Variants in GTF3C5 observed in about 807,000 individuals in gnomAD.
GTF3C5 encodes general transcription factor 3C polypeptide 5.
Under a neutral mutation model 61.0 loss-of-function variants are expected in GTF3C5, and 47 were observed. The ratio of observed to expected loss-of-function variants is 0.77; its 90% CI spans 0.61 to 0.98. The LOEUF is 0.98. GTF3C5 is among the 50% of genes least tolerant of loss of function. GTF3C5 has a pLI of 0.00. For synonymous variants in GTF3C5, 295 were observed against 275.4 expected (o/e 1.07, Z -0.71); for missense variants, 659 against 703.3 (o/e 0.94, Z 0.71).
chr9:133,058,184 T>G lies in GTF3C5; in HGVS notation c.*204T>G. 7.2e-7 allele frequency: 1 copy of G among 1,392,914 alleles called. No individual in the cohort carries two copies. The highest frequency in any genetic ancestry group is 2.8e-5 in the East Asian group (1 of 35,942). The allele number at this position is 1,392,914 out of a possible 1,614,324, so 86.3% of individuals were successfully genotyped here. On this transcript the variant is annotated 3_prime_UTR_variant, in exon 11 of 11. Coordinates refer to ENST00000372097, the MANE Select transcript of GTF3C5 (RefSeq NM_012087.4). ...GGTGCTGCCTCTGGTCCTGAGGGGT[T>G]AGGGACATCCCCAAAGGGTATACCC...
chr9:133,038,267 C>T (rs940480804), intron 1 of GTF3C5, among the ~76,000 whole-genome samples: 15 of 152,148 alleles, frequency 9.9e-5, no homozygotes, highest in South Asian at 6.2e-4. Flanking sequence ...GAGAGAGGGA[C>T]GGAGTTGCTG....
intron 1 of GTF3C5, among the ~76,000 whole-genome samples, chr9:133,038,841 A>G (rs1849955829): frequency 6.6e-6 from 1 of 152,120 alleles, no homozygotes; most frequent in African/African-American, 2.4e-5. Context: ...GCAGCCCCAC[A>G]GGGTGTGTTG....
In GTF3C5 at chr9:133,042,195, A is replaced by G. The variant is rs200214643; in HGVS notation, c.262A>G (p.Ile88Val). The G allele has an allele frequency of 7.1e-5, 115 of 1,613,856 alleles. No homozygotes were observed. The Admixed American group carries it at 1.0e-3, about 14-fold the overall frequency. Reference protein sequence around the residue: ...RFSTSSLLLRIRKRTRRQKGV... With the variant: ...RFSTSSLLLRVRKRTRRQKGV... ...CAGTACCAGCAGCCTGCTGCTCCGCATCAGGAAGAGAACGAGGCGGCAGAA... is the reference window on the plus strand; with the variant it reads ...CAGTACCAGCAGCCTGCTGCTCCGCGTCAGGAAGAGAACGAGGCGGCAGAA... The change falls in exon 2 of 11, where the codon ATC becomes GTC. Residue 88 changes from isoleucine (I) to valine (V), a missense_variant. Physicochemically the swap from Ile to Val is conservative, Grantham distance 29 (BLOSUM62 3). Coordinates refer to ENST00000372097, the MANE Select transcript of GTF3C5 (RefSeq NM_012087.4).
At chr9:133,032,544 C>G (rs1849760902) in intron 1 of GTF3C5, among the ~76,000 whole-genome samples, 1 of 152,104 alleles carries the variant, frequency 6.6e-6, no homozygotes, top group South Asian at 2.1e-4. Context: ...AGAACAGTTT[C>G]CCCCTCTTGA....
intron 4 of GTF3C5, 151 bp downstream of exon 4, chr9:133,051,129 C>T: frequency 1.7e-6 from 1 of 583,740 alleles, no homozygotes; most frequent in Admixed American, 3.6e-5. Flanking sequence ...CCTTCAGATG[C>T]CATGTCTAAA....
chr9:133,043,885 C>T lies in GTF3C5; in HGVS notation c.531C>T (p.Asp177=), dbSNP rs370716957. The T allele has an allele frequency of 6.2e-6, 10 of 1,614,114 alleles. No individual in the cohort carries two copies. The highest frequency in any genetic ancestry group is 1.7e-5 in the Admixed American group (1 of 60,026). The change falls in exon 3 of 11, where the codon GAC becomes GAT. Residue 177 remains aspartate (D), a synonymous_variant. Transcript: ENST00000372097. ...CCCCACCCATCTTCTCCCGGCTGGACGCCCCGGTGGACTACTTCTACCGAC... is the reference window on the plus strand; with the variant it reads ...CCCCACCCATCTTCTCCCGGCTGGATGCCCCGGTGGACTACTTCTACCGAC... ...YIPPPIFSRL[D]APVDYFYRPE... is the part of the protein sequence containing the mutation.
intron 8 of GTF3C5, chr9:133,055,739 G>T: frequency 7.7e-7 from 1 of 1,303,660 alleles, no homozygotes; most frequent in Non-Finnish European, 9.8e-7. Flanking sequence ...CCCATGCCAT[G>T]GGCGCCATGG....
chr9:133,057,925 A>G lies in GTF3C5; in HGVS notation c.1505A>G (p.Lys502Arg), dbSNP rs760300169. The change falls in exon 11 of 11, where the codon AAG becomes AGG. Residue 502 changes from lysine to arginine, a missense_variant. Lys to Arg is a conservative substitution (Grantham distance 26). Transcript: ENST00000372097. ...EEEEEEEEDF[K>R]PSDGSENEME... ...GAGGAAGAGGAGGAGGAGGACTTCAAGCCATCCGACGGCAGTGAAAACGAA... is the reference window on the plus strand; with the variant it reads ...GAGGAAGAGGAGGAGGAGGACTTCAGGCCATCCGACGGCAGTGAAAACGAA... 6.2e-7 allele frequency: 1 copy of G among 1,613,986 alleles called. No individual in the cohort carries two copies. Among genetic ancestry groups the G allele is most frequent in the South Asian group, 1.1e-5 (1 of 91,082 alleles).
chr9:133,031,222 G>A (rs1849722624), intron 1 of GTF3C5, 58 bp downstream of exon 1: 1 of 1,443,034 alleles, frequency 6.9e-7, no homozygotes, highest in South Asian at 1.2e-5. Context: ...AAGAAAACGA[G>A]CACTCAAAGG....
intron 3 of GTF3C5, among the ~76,000 whole-genome samples, chr9:133,050,268 G>A (rs1013006667): frequency 1.3e-5 from 2 of 152,166 alleles, no homozygotes; most frequent in African/African-American, 2.4e-5. Flanking sequence ...TTCTCTGTAG[G>A]ATTAGTTTGA....
At chr9:133,030,888 G>C (rs772583781), upstream of GTF3C5, 1 of 1,132,084 alleles carries the variant, frequency 8.8e-7, no homozygotes, top group Admixed American at 1.9e-5. Context: ...TGCTGAGCCC[G>C]GGGAGTTAGG....
chr9:133,049,240 C>T (rs1472378954), intron 3 of GTF3C5, among the ~76,000 whole-genome samples: 2 of 152,244 alleles, frequency 1.3e-5, no homozygotes, highest in East Asian at 1.9e-4. Flanking sequence ...CTGCCGCAGC[C>T]TCTCCCTACA....
Position 133,058,033 on chromosome 9 carries a change from T to C in GTF3C5, c.*53T>C. The C allele has an allele frequency of 6.2e-7, 1 of 1,603,852 alleles. No homozygotes were observed. Among genetic ancestry groups the C allele is most frequent in the South Asian group, 1.1e-5 (1 of 90,054 alleles). On this transcript the variant is annotated 3_prime_UTR_variant, in exon 11 of 11. Coordinates refer to ENST00000372097, the MANE Select transcript of GTF3C5 (RefSeq NM_012087.4). ...CCGGCCAGACTGGTGTCTGGCCTAA[T>C]GAGGGAGCCGGGGCTCCCCATTGCC...
At chr9:133,044,006 G>A (rs1192777716) in intron 3 of GTF3C5, 80 bp downstream of exon 3, 7 of 1,010,546 alleles carry the variant, frequency 6.9e-6, no homozygotes, top group South Asian at 2.9e-5. Context: ...CACACTGGGC[G>A]TGGTGGTGCA....
At chr9:133,036,606 C>T (rs1332561503) in intron 1 of GTF3C5, among the ~76,000 whole-genome samples, 1 of 152,102 alleles carries the variant, frequency 6.6e-6, no homozygotes, top group Non-Finnish European at 1.5e-5. Context: ...GAAGGCAGGG[C>T]TAGGACGGGG....
intron 4 of GTF3C5, among the ~76,000 whole-genome samples, chr9:133,051,398 C>G (rs1187564344): frequency 1.3e-5 from 2 of 152,162 alleles, no homozygotes; most frequent in Non-Finnish European, 2.9e-5. Flanking sequence ...CCGTGGAGTC[C>G]TGCGTCCCCA....
chr9:133,033,891 C>T (rs1849795793), intron 1 of GTF3C5, among the ~76,000 whole-genome samples: 1 of 152,106 alleles, frequency 6.6e-6, no homozygotes, highest in Non-Finnish European at 1.5e-5. Context: ...TTGGCTGGGT[C>T]GTTGTGGAGA....
At position 133,058,180 on chromosome 9, in the gene GTF3C5, G is replaced by A. The variant is rs1829996359; in HGVS notation, c.*200G>A. ...GCTTGGTGCTGCCTCTGGTCCTGAG[G>A]GGTTAGGGACATCCCCAAAGGGTAT... On this transcript the variant is annotated 3_prime_UTR_variant, in exon 11 of 11. Transcript: ENST00000372097. The A allele has an allele frequency of 7.1e-7, 1 of 1,400,248 alleles. No homozygotes were observed. The highest frequency in any genetic ancestry group is 2.7e-5 in the East Asian group (1 of 36,518). The allele number at this position is 1,400,248 out of a possible 1,614,324, so 86.7% of individuals were successfully genotyped here.
chr9:133,034,307 AT>A (rs1849808434), intron 1 of GTF3C5, among the ~76,000 whole-genome samples: 2 of 152,084 alleles, frequency 1.3e-5, no homozygotes, highest in African/African-American at 4.8e-5. Flanking sequence ...CTCCATACTT[AT>A]ACTTGTTTGA....
Sources: allele counts gnomAD v4.1 joint callset (sites outside exome capture counted in the v4.1 genomes callset), GRCh38; gene constraint gnomAD v4.1.1; transcripts MANE v1.5; gene names NCBI Gene and HGNC (gene_info 2026-07-23, HGNC 2026-07-21).